Variants in MROH9 observed in about 807,000 individuals in gnomAD.
MROH9 encodes the protein maestro heat like repeat family member 9, also known as maestro heat-like repeat-containing protein family member 9.
In MROH9, 92 loss-of-function variants were observed where a neutral mutation model predicts 98.2. That is an observed-to-expected ratio of 0.94 (90% CI 0.79 to 1.11). The LOEUF (loss-of-function observed/expected upper bound fraction) is 1.11. Ranked by LOEUF, MROH9 falls within the 50% of genes most tolerant of loss-of-function variation. MROH9 has a pLI of 0.00. For missense variants in MROH9, 1,057 were observed against 1,014.8 expected (o/e 1.04, Z -0.57); for synonymous variants, 397 against 368.9 (o/e 1.08, Z -0.87).
chr1:171,006,898 T>C (rs1449071965), intron 15 of MROH9, among the ~76,000 whole-genome samples: 4 of 152,174 alleles, frequency 2.6e-5, no homozygotes, highest in African/African-American at 9.6e-5. Flanking sequence ...ATCAGTGTTT[T>C]CTTGTATCTC....
chr1:170,963,471 A>G (rs1227610560), intron 6 of MROH9, among the ~76,000 whole-genome samples: 1 of 152,156 alleles, frequency 6.6e-6, no homozygotes, highest in African/African-American at 2.4e-5. Flanking sequence ...CAGCAATTCG[A>G]TTACTGGATA....
intron 13 of MROH9, 83 bp from the exon 14 acceptor site, chr1:170,996,424 T>A: frequency 6.8e-7 from 1 of 1,478,224 alleles, no homozygotes; most frequent in Non-Finnish European, 9.2e-7. Flanking sequence ...CTGCCCAAGA[T>A]GGGATTAAAA....
intron 17 of MROH9, among the ~76,000 whole-genome samples, chr1:171,018,436 A>G (rs1343396276): frequency 6.6e-6 from 1 of 152,182 alleles, no homozygotes; most frequent in Non-Finnish European, 1.5e-5. Context: ...CAAACTCATG[A>G]AGATGAGAAA....
chr1:171,038,004 G>T (rs1458868140), intron 20 of MROH9, among the ~76,000 whole-genome samples: 1 of 151,834 alleles, frequency 6.6e-6, no homozygotes, highest in African/African-American at 2.4e-5. Flanking sequence ...TAAATAATTT[G>T]GAAAAATTGG....
intron 8 of MROH9, among the ~76,000 whole-genome samples, chr1:170,972,951 G>A (rs1650524620): frequency 6.6e-6 from 1 of 151,576 alleles, no homozygotes; most frequent in African/African-American, 2.4e-5. Flanking sequence ...GTTTGTAATT[G>A]CCTGAGCTTA....
intron 3 of MROH9, among the ~76,000 whole-genome samples, chr1:170,953,888 A>G (rs1649659659): frequency 8.9e-6 from 1 of 112,892 alleles, no homozygotes; most frequent in African/African-American, 3.3e-5. Context: ...AGAAAGAAAG[A>G]AAGAAAAAAA....
chr1:170,996,477 T>A, intron 13 of MROH9, 30 bp from the exon 14 acceptor site: 1 of 1,608,660 alleles, frequency 6.2e-7, no homozygotes, highest in Non-Finnish European at 8.5e-7. Flanking sequence ...CACCGGCATG[T>A]GATGACTTTG....
At chr1:170,998,595 T>A in intron 15 of MROH9, 1 of 1,314,282 alleles carries the variant, frequency 7.6e-7, no homozygotes, top group African/African-American at 1.5e-5. Flanking sequence ...ATAATTGGGT[T>A]TAATAAAGAT....
At chr1:171,051,667 G>C (rs1653668837) in intron 20 of MROH9, among the ~76,000 whole-genome samples, 1 of 152,104 alleles carries the variant, frequency 6.6e-6, no homozygotes, top group African/African-American at 2.4e-5. Flanking sequence ...GGGTTGATAG[G>C]TGCAGCAAAC....
intron 20 of MROH9, among the ~76,000 whole-genome samples, chr1:171,039,289 T>C (rs1484557994): frequency 3.9e-5 from 6 of 152,224 alleles, no homozygotes; most frequent in Non-Finnish European, 5.9e-5. Flanking sequence ...GAAATAAGTA[T>C]CTGCAGTTGT....
rs1490653242 is a variant in MROH9, at chr1:170,944,000, A to G, written c.-37-1520A>G. 2.0e-5 allele frequency among the ~76,000 whole-genome samples: 3 copies of G among 152,038 alleles called. No homozygotes were observed. In the East Asian group the frequency reaches 5.8e-4, roughly 29 times the overall value. On this transcript the variant is annotated intron_variant, in intron 1 of 21. Transcript: ENST00000367759. ...TTATACATCTTGAAAGTATAAAAAT[A>G]ATATCGCTAATAACAATTATAATAA...
chr1:171,025,795 A>G (rs1001815932), intron 20 of MROH9, among the ~76,000 whole-genome samples: 7 of 152,200 alleles, frequency 4.6e-5, no homozygotes, highest in African/African-American at 1.4e-4. Context: ...ACCACAAACT[A>G]CAATAGATGA....
intron 8 of MROH9, among the ~76,000 whole-genome samples, chr1:170,978,632 C>T (rs1027534684): frequency 2.6e-5 from 4 of 152,068 alleles, no homozygotes; most frequent in African/African-American, 4.8e-5. Context: ...CAATTGCAGT[C>T]GCGGAGGTAT....
intron 12 of MROH9, among the ~76,000 whole-genome samples, chr1:170,993,474 T>C (rs150940919): frequency 9.2e-5 from 14 of 152,192 alleles, no homozygotes; most frequent in African/African-American, 2.9e-4. Context: ...AAGACACTTA[T>C]GCAATGGTGT....
chr1:171,010,225 G>T (rs998553209), intron 15 of MROH9, among the ~76,000 whole-genome samples: 1 of 152,114 alleles, frequency 6.6e-6, no homozygotes, highest in Non-Finnish European at 1.5e-5. Flanking sequence ...ATAGTTTGCT[G>T]AAAATGATGG....
intron 7 of MROH9, among the ~76,000 whole-genome samples, chr1:170,971,062 T>C (rs1418099108): frequency 2.6e-5 from 4 of 152,170 alleles, no homozygotes; most frequent in Non-Finnish European, 5.9e-5. Context: ...TAAAAGCAAA[T>C]GCCTTTTCTA....
intron 13 of MROH9, among the ~76,000 whole-genome samples, chr1:170,995,857 C>T (rs1651547756): frequency 6.6e-6 from 1 of 152,188 alleles, no homozygotes; most frequent in African/African-American, 2.4e-5. Flanking sequence ...AAGTCAGATA[C>T]ATTTTTGCTC....
chr1:170,960,054 T>C (rs908351473), intron 5 of MROH9, among the ~76,000 whole-genome samples: 4 of 152,216 alleles, frequency 2.6e-5, no homozygotes, highest in Non-Finnish European at 5.9e-5. Context: ...CTCTCCTTTC[T>C]TCAGTTTGTG....
intron 8 of MROH9, among the ~76,000 whole-genome samples, chr1:170,982,362 G>A (rs1469178944): frequency 1.3e-5 from 2 of 152,124 alleles, no homozygotes; most frequent in East Asian, 1.9e-4. Flanking sequence ...GAGTATATAT[G>A]GTATGATCCA....
Sources: allele counts gnomAD v4.1 joint callset (sites outside exome capture counted in the v4.1 genomes callset), GRCh38; gene constraint gnomAD v4.1.1; transcripts MANE v1.5; gene names NCBI Gene and HGNC (gene_info 2026-07-23, HGNC 2026-07-21).